CDK8: variants seen among roughly 807,000 people sequenced by gnomAD.
CDK8 encodes the protein cyclin-dependent kinase 8.
Under a neutral mutation model 71.5 loss-of-function variants are expected in CDK8, and 29 were observed. The observed-to-expected ratio is 0.41, with a 90% confidence interval of 0.30 to 0.55. The LOEUF (loss-of-function observed/expected upper bound fraction) is 0.55, where lower values mean the gene tolerates loss of function less well. Ranked by LOEUF, CDK8 falls within the 20% of genes least tolerant of loss-of-function variation. The pLI is 0.37. For synonymous variants in CDK8, 161 were observed against 192.1 expected (o/e 0.84, Z 1.34); for missense variants, 288 against 572.6 (o/e 0.50, Z 5.07).
chr13:26,293,915 C>T (rs938586393), intron 1 of CDK8, among the ~76,000 whole-genome samples: 1 of 152,020 alleles, frequency 6.6e-6, no homozygotes, highest in Non-Finnish European at 1.5e-5. Flanking sequence ...GCAAACCTCT[C>T]CCCAATCACT....
chr13:26,273,664 A>T (rs1211554543), intron 1 of CDK8, among the ~76,000 whole-genome samples: 5 of 150,368 alleles, frequency 3.3e-5, no homozygotes, highest in Admixed American at 6.7e-5. Context: ...TGCTTTAAAA[A>T]ATATATATAT....
intron 1 of CDK8, among the ~76,000 whole-genome samples, chr13:26,322,695 G>T (rs763793856): frequency 5.9e-5 from 9 of 152,056 alleles, no homozygotes; most frequent in Non-Finnish European, 1.3e-4. Flanking sequence ...TATAGTTTTG[G>T]TACTTATCTG....
chr13:26,343,307 G>A lies in CDK8; in HGVS notation c.204+5665G>A, dbSNP rs529072207. 2.6e-5 allele frequency among the ~76,000 whole-genome samples: 4 copies of A among 152,050 alleles called. No homozygotes were observed. The East Asian group carries it at 5.8e-4, about 22-fold the overall frequency. ...CATGTTGCTATACCGAATACTATAG[G>A]CAACTGTAACACAATGCTAAATATT... On this transcript the variant is annotated intron_variant, in intron 2 of 12. Coordinates refer to ENST00000381527, the MANE Select transcript of CDK8 (RefSeq NM_001260.3).
chr13:26,400,039 T>TTTCAGTTTTGATTCAG (rs1876180618), intron 9 of CDK8: 1 of 199,060 alleles, frequency 5.0e-6, no homozygotes, highest in Non-Finnish European at 1.0e-5. Flanking sequence ...ATTGACTTTT[T>TTTCAGTTTTGATTCAG]TATTTAATTC....
chr13:26,274,634 T>C (rs1410247826), intron 1 of CDK8, among the ~76,000 whole-genome samples: 2 of 152,100 alleles, frequency 1.3e-5, no homozygotes, highest in Non-Finnish European at 2.9e-5. Context: ...GGTTTCACGA[T>C]GTTAGCCAGG....
In CDK8 at chr13:26,262,390, A is replaced by G. The variant is rs558525733; in HGVS notation, c.128+7621A>G. On this transcript the variant is annotated intron_variant, in intron 1 of 12. Transcript: ENST00000381527. The stretch of plus-strand genomic sequence containing the variant: ...TGACAGGTATTTTGTACTTTTGTGT[A>G]TGTGTGTGTGTGTGTATCTGAAATT... 8.1e-4 allele frequency among the ~76,000 whole-genome samples: 123 copies of G among 151,474 alleles called. 1 individual carries two copies. Among genetic ancestry groups the G allele is most frequent in the East Asian group, 3.5e-3 (18 of 5,158 alleles).
intron 1 of CDK8, among the ~76,000 whole-genome samples, chr13:26,293,601 CAAAAAAA>C (rs56727160): frequency 6.7e-5 from 7 of 103,828 alleles, no homozygotes; most frequent in Admixed American, 9.9e-5. Context: ...GAGACTGTCT[CAAAAAAA>C]AAAAAAAAAA....
chr13:26,336,638 C>G (rs1873002026), intron 1 of CDK8, among the ~76,000 whole-genome samples: 1 of 149,838 alleles, frequency 6.7e-6, no homozygotes, highest in South Asian at 2.1e-4. Flanking sequence ...ACTGCAAGCT[C>G]CACCTCCTGG....
intron 1 of CDK8, among the ~76,000 whole-genome samples, chr13:26,316,472 A>G (rs558811534): frequency 1.3e-5 from 2 of 152,300 alleles, no homozygotes; most frequent in East Asian, 3.9e-4. Context: ...CTTCTGGCAG[A>G]TTTTAAAAGC....
intron 4 of CDK8, among the ~76,000 whole-genome samples, chr13:26,379,017 C>T (rs1565992898): frequency 6.6e-6 from 1 of 152,142 alleles, no homozygotes; most frequent in Non-Finnish European, 1.5e-5. Context: ...TCATTAGGGC[C>T]TTTCCTGTGT....
chr13:26,382,936 C>A, intron 5 of CDK8, 65 bp downstream of exon 5: 2 of 1,039,358 alleles, frequency 1.9e-6, no homozygotes, highest in Non-Finnish European at 1.4e-6. Context: ...GCAGCTATAT[C>A]ACTTCTAATT....
chr13:26,393,524 G>T lies in CDK8; in HGVS notation c.790+14G>T. 2 of 1,610,046 alleles carry T rather than the reference G, an allele frequency of 1.2e-6. No individual in the cohort carries two copies. The highest frequency in any genetic ancestry group is 1.1e-5 in the South Asian group (1 of 90,570). ...GATTTCCTGCAGGTACACATTATTC[G>T]TTTTTGTTTTTGTTTTTAAATCACT... On this transcript the variant is annotated intron_variant, in intron 7 of 12. Transcript: ENST00000381527.
At chr13:26,311,407 G>A (rs1593255436) in intron 1 of CDK8, among the ~76,000 whole-genome samples, 1 of 152,050 alleles carries the variant, frequency 6.6e-6, no homozygotes, top group Admixed American at 6.5e-5. Flanking sequence ...AATGCGTTTG[G>A]TCGCAAATAA....
At position 26,287,213 on chromosome 13, in the gene CDK8, C is replaced by T. The variant is rs1035068751; in HGVS notation, c.128+32444C>T. Among the ~76,000 whole-genome samples the T allele has an allele frequency of 2.6e-4, 39 of 152,160 alleles. 1 individual carries two copies. The highest frequency in any genetic ancestry group is 7.2e-4 in the Admixed American group (11 of 15,284). Reference sequence around the variant, plus strand: ...CACACACATTTATAGCAGCACACTTCACAGTTGCAAAAAAATGGAGCCCAC... The same window carrying T: ...CACACACATTTATAGCAGCACACTTTACAGTTGCAAAAAAATGGAGCCCAC... On this transcript the variant is annotated intron_variant, in intron 1 of 12. Transcript: ENST00000381527.
chr13:26,307,431 A>G (rs711214), intron 1 of CDK8, among the ~76,000 whole-genome samples: 144,031 of 152,190 alleles, frequency 0.95, 68,202 homozygotes, highest in East Asian at 1. Context: ...GGAGGAAGAG[A>G]TTCATGAGCA....
intron 7 of CDK8, among the ~76,000 whole-genome samples, chr13:26,395,517 T>C (rs1378115234): frequency 6.7e-6 from 1 of 150,232 alleles, no homozygotes; most frequent in Admixed American, 6.6e-5. Context: ...CTAAAGGTGC[T>C]GTTAAGCTGC....
At chr13:26,388,142 AT>A (rs1875568463) in intron 6 of CDK8, among the ~76,000 whole-genome samples, 1 of 152,204 alleles carries the variant, frequency 6.6e-6, no homozygotes, top group African/African-American at 2.4e-5. Context: ...TTAATCTTCA[AT>A]CCAATATATC....
intron 3 of CDK8, among the ~76,000 whole-genome samples, 193 bp downstream of exon 3, chr13:26,349,375 A>T (rs1284813889): frequency 6.6e-6 from 1 of 152,214 alleles, no homozygotes; most frequent in African/African-American, 2.4e-5. Context: ...TGTCACTTTG[A>T]TCTTTTAACA....
At chr13:26,278,052 GAATTTGT>G (rs1318375208) in intron 1 of CDK8, among the ~76,000 whole-genome samples, 1 of 152,162 alleles carries the variant, frequency 6.6e-6, no homozygotes. Context: ...GGAAAAAGGG[GAATTTGT>G]TCTTTCTACA....
Sources: gnomAD v4.1 joint callset for allele counts (sites outside exome capture counted in the v4.1 genomes callset) on GRCh38, gnomAD v4.1.1 for gene constraint, MANE v1.5 for transcripts, NCBI Gene and HGNC (gene_info 2026-07-23, HGNC 2026-07-21) for gene names.